Variants in TP53I13 observed in about 807,000 individuals in gnomAD.
TP53I13 encodes the protein tumor protein p53-inducible protein 13.
Under a neutral mutation model 39.1 loss-of-function variants are expected in TP53I13, and 27 were observed. That is an observed-to-expected ratio of 0.69 (90% CI 0.51 to 0.95). The LOEUF is 0.95. Among genes scored for constraint, TP53I13 ranks in the 40% least tolerant of loss-of-function variants. TP53I13 has a pLI of 0.00. For synonymous variants in TP53I13, 230 were observed against 224.6 expected, an observed-to-expected ratio of 1.02 and a Z score of -0.22; for missense variants, 544 against 520.4, an observed-to-expected ratio of 1.05 and a Z score of -0.44.
rs764740474 is a variant in TP53I13, at chr17:29,568,752, G to A, written c.-7G>A. The A allele has an allele frequency of 1.3e-5, 20 of 1,570,368 alleles. 1 individual carries two copies. In the South Asian group the frequency reaches 1.9e-4, roughly 15 times the overall value. ...TGGGCGGCGGGCCGGGCCCGGGGCCGCTTGGAATGGCGCCTCCTCCGCCTT... is the reference window on the plus strand; with the variant it reads ...TGGGCGGCGGGCCGGGCCCGGGGCCACTTGGAATGGCGCCTCCTCCGCCTT... On this transcript the variant is annotated 5_prime_UTR_variant, in exon 1 of 7. Transcript: ENST00000301057. This position sits in a 1 kb window ranked among gnomAD's most constrained non-coding sequence, Gnocchi z 4.5.
At chr17:29,567,697 G>A (rs2032757789), upstream of TP53I13, among the ~76,000 whole-genome samples, 3 of 152,138 alleles carry the variant, frequency 2.0e-5, no homozygotes, top group Non-Finnish European at 4.4e-5. The surrounding 1 kb of genome is among the most constrained non-coding windows in gnomAD (Gnocchi z 6.6). Flanking sequence ...CTCAGCCCGG[G>A]AGTGGCTTCC....
downstream of TP53I13, chr17:29,576,030 G>A (rs1221616458): frequency 3.1e-6 from 5 of 1,598,780 alleles, no homozygotes; most frequent in Non-Finnish European, 4.3e-6. Flanking sequence ...GAACCCCCTG[G>A]GGCTCAGAAC....
At chr17:29,574,633 T>C, downstream of TP53I13, 1 of 1,245,468 alleles carries the variant, frequency 8.0e-7, no homozygotes, top group Non-Finnish European at 1.2e-6. Flanking sequence ...TGGGGATTAA[T>C]GTCTGGAGTG....
the TP53I13 span, chr17:29,579,152 C>T: frequency 1.5e-6 from 1 of 645,590 alleles, no homozygotes; most frequent in South Asian, 1.8e-5. Flanking sequence ...CCCCACCCCT[C>T]CTCCTCTGGC....
downstream of TP53I13, chr17:29,577,745 G>A (rs765958689): frequency 1.2e-5 from 19 of 1,586,986 alleles, no homozygotes; most frequent in East Asian, 2.2e-5. Flanking sequence ...CAGCCACACT[G>A]TAGGGGACGG....
chr17:29,569,472 A>G, intron 3 of TP53I13, 113 bp downstream of exon 3: 1 of 1,011,720 alleles, frequency 9.9e-7, no homozygotes, highest in Non-Finnish European at 1.5e-6. Flanking sequence ...CACTTCCCTC[A>G]GGCAGAGGCA....
downstream of TP53I13, chr17:29,575,507 A>G (rs371721599): frequency 3.8e-6 from 6 of 1,583,452 alleles, no homozygotes; most frequent in Non-Finnish European, 5.2e-6. The surrounding 1 kb of genome is among the most constrained non-coding windows in gnomAD (Gnocchi z 5.5). Flanking sequence ...ACAAAGATAC[A>G]TATAGAGAAA....
At chr17:29,574,973 G>T, downstream of TP53I13, 1 of 1,493,216 alleles carries the variant, frequency 6.7e-7, no homozygotes. Flanking sequence ...TGAGATCAGG[G>T]CCCAGTTTGT....
chr17:29,577,269 G>A (rs376762023), downstream of TP53I13: 5 of 1,599,550 alleles, frequency 3.1e-6, no homozygotes, highest in Non-Finnish European at 4.3e-6. Flanking sequence ...AAAGGGCCAG[G>A]CTGGCTTCAG....
chr17:29,576,718 G>T (rs771517486), downstream of TP53I13: 6 of 1,609,838 alleles, frequency 3.7e-6, no homozygotes, highest in Non-Finnish European at 5.1e-6. Context: ...GGGGCAGGGA[G>T]GCCAACACCC....
downstream of TP53I13, chr17:29,576,399 C>T (rs768332520): frequency 7.4e-6 from 12 of 1,613,352 alleles, no homozygotes; most frequent in Non-Finnish European, 1.0e-5. Flanking sequence ...GGTGTGGGCA[C>T]CGGCCCTGGA....
chr17:29,571,289 C>G (rs2032911306), intron 3 of TP53I13: 2 of 384,730 alleles, frequency 5.2e-6, no homozygotes, highest in Non-Finnish European at 9.6e-6. Flanking sequence ...ACCTGTAGAG[C>G]CATCGTTACA....
chr17:29,574,710 T>G (rs756276213), downstream of TP53I13: 11 of 1,611,238 alleles, frequency 6.8e-6, no homozygotes, highest in Admixed American at 3.3e-5. Flanking sequence ...GGTCACTGCT[T>G]CTTCTCTCGG....
chr17:29,576,723 A>AC, downstream of TP53I13: 1 of 1,608,662 alleles, frequency 6.2e-7, no homozygotes, highest in African/African-American at 1.3e-5. Context: ...AGGGAGGCCA[A>AC]CACCCGCAGG....
chr17:29,581,386 C>A, the TP53I13 span: 4 of 1,611,682 alleles, frequency 2.5e-6, no homozygotes, highest in South Asian at 3.3e-5. The surrounding 1 kb of genome is among the most constrained non-coding windows in gnomAD (Gnocchi z 4.8). Flanking sequence ...GTGATCTGAA[C>A]AAAAATAAAA....
At chr17:29,577,290 A>T (rs2033243888), downstream of TP53I13, 1 of 1,508,930 alleles carries the variant, frequency 6.6e-7, no homozygotes, top group Non-Finnish European at 9.2e-7. Flanking sequence ...GGGACCCCTT[A>T]TGACTGACGC....
At chr17:29,578,835 A>G in the TP53I13 span, 1 of 1,581,098 alleles carries the variant, frequency 6.3e-7, no homozygotes, top group Admixed American at 1.7e-5. Flanking sequence ...AGAGGTGGCC[A>G]GGCCCATGCC....
chr17:29,578,875 G>C, the TP53I13 span: 2 of 1,563,100 alleles, frequency 1.3e-6, no homozygotes, highest in East Asian at 2.2e-5. Context: ...AGGGATCCCG[G>C]GGAGATGGCA....
chr17:29,572,533 G>A lies in TP53I13; in HGVS notation c.905G>A (p.Gly302Asp). ...RAAAPPRAARGPTPRTEEAAW... is the reference protein window; with the variant it reads ...RAAAPPRAARDPTPRTEEAAW... ...GCAGCGCCTCCACGGGCAGCCCGGG[G>A]CCCCACCCCACGCACTGAAGAGGCC... The change falls in exon 6 of 7, where the codon GGC (glycine) becomes GAC (aspartate). Residue 302 changes from glycine (G) to aspartate (D), a missense_variant. Gly to Asp is a moderately conservative substitution (Grantham distance 94, BLOSUM62 -1). Transcript: ENST00000301057. The A allele has an allele frequency of 1.2e-6, 2 of 1,606,344 alleles. No individual in the cohort carries two copies. The highest frequency in any genetic ancestry group is 8.5e-7 in the Non-Finnish European group (1 of 1,177,454).
Sources: gnomAD v4.1 joint callset for allele counts (sites outside exome capture counted in the v4.1 genomes callset) on GRCh38, gnomAD v4.1.1 for gene constraint, Gnocchi (gnomAD v3.1) non-coding constraint, MANE v1.5 for transcripts, NCBI Gene and HGNC (gene_info 2026-07-23, HGNC 2026-07-21) for gene names.